The following TANGO6 variants were observed in gnomAD, a reference collection of about 807,000 sequenced individuals.
The protein encoded by TANGO6 is transport and golgi organization 6 homolog, also known as transport and Golgi organization protein 6 homolog.
A neutral mutation model predicts 114.2 loss-of-function variants in TANGO6; 90 were observed. The observed-to-expected ratio is 0.79, with a 90% CI of 0.66 to 0.94. TANGO6 has a LOEUF of 0.94. Among genes scored for constraint, TANGO6 ranks in the 40% least tolerant of loss-of-function variants. The probability of loss-of-function intolerance (pLI) is 0.00; values close to 1 mark genes in which losing one functional copy is unlikely to be tolerated. For missense variants in TANGO6, 1,274 were observed against 1,315.3 expected (o/e 0.97, Z 0.49); for synonymous variants, 477 against 509.8 (o/e 0.94, Z 0.87).
chr16:69,080,847 C>T (rs924230713), intron 17 of TANGO6, among the ~76,000 whole-genome samples: 2 of 152,242 alleles, frequency 1.3e-5, no homozygotes, highest in Middle Eastern at 3.4e-3. Context: ...GGGCTAATAA[C>T]CTTCCTCTAG....
rs1158658580 is a variant in TANGO6, at chr16:69,040,327, C to T, written c.3014C>T (p.Ala1005Val). 1.2e-6 allele frequency: 2 copies of T among 1,607,262 alleles called. No individual in the cohort carries two copies. Among genetic ancestry groups the T allele is most frequent in the Non-Finnish European group, 1.7e-6 (2 of 1,177,108 alleles). The part of the protein sequence containing the change: ...VVHEVTACLI[A>V]VAKTDGEVQV... The stretch of plus-strand genomic sequence containing the variant: ...TCCTAGGTAACAGCTTGCCTGATTG[C>T]TGTGGCCAAAACAGATGGTGAAGTT... The change falls in exon 17 of 18, where the codon GCT (alanine) becomes GTT (valine). Residue 1005 changes from alanine (A) to valine (V), a missense_variant. Around this residue, in one of 5 missense-constraint regions of TANGO6, gnomAD observed 238 missense variants for 252.9 expected, o/e 0.94. Coordinates refer to ENST00000261778, the MANE Select transcript of TANGO6 (RefSeq NM_024562.2).
chr16:68,990,058 G>A (rs2152217870), intron 15 of TANGO6, among the ~76,000 whole-genome samples: 1 of 152,190 alleles, frequency 6.6e-6, no homozygotes, highest in African/African-American at 2.4e-5. Context: ...GTGTGTGTGT[G>A]ACTCTTGCTC....
At chr16:68,848,730 A>G (rs1460458833) in intron 1 of TANGO6, among the ~76,000 whole-genome samples, 1 of 152,242 alleles carries the variant, frequency 6.6e-6, no homozygotes, top group South Asian at 2.1e-4. Context: ...TGTCTTAGCA[A>G]CCTCCAAAGG....
At chr16:68,912,597 G>A (rs988829730) in intron 11 of TANGO6, among the ~76,000 whole-genome samples, 11 of 152,100 alleles carry the variant, frequency 7.2e-5, no homozygotes, top group African/African-American at 2.7e-4. Context: ...TCGCACCACT[G>A]CACTGCGCTT....
rs565900461 is a variant in TANGO6, at chr16:68,868,550, C to T, written c.994+1330C>T. 3.3e-3 allele frequency among the ~76,000 whole-genome samples: 468 copies of T among 139,786 alleles called. 2 individuals are homozygous for T. The highest frequency in any genetic ancestry group is 6.1e-3 in the Non-Finnish European group (405 of 66,210). The allele number at this position is 139,786 out of a possible 152,430, so 91.7% of individuals were successfully genotyped here. A position where few individuals can be genotyped will look rare whatever the true frequency, so the allele number is the denominator to read the frequency against. ...TCTCGCTCTTTCACCCAGGCTAGAG[C>T]GCAGTGGCGTGATCTTGGCTCATTG... On this transcript the variant is annotated intron_variant, in intron 4 of 17. Transcript: ENST00000261778.
At chr16:69,082,625 G>T (rs1004452771) in intron 17 of TANGO6, among the ~76,000 whole-genome samples, 2 of 152,056 alleles carry the variant, frequency 1.3e-5, no homozygotes, top group African/African-American at 4.8e-5. Context: ...CGCACCTGTA[G>T]TCCCAGCTAC....
intron 17 of TANGO6, among the ~76,000 whole-genome samples, chr16:69,071,711 A>C (rs969567334): frequency 3.3e-5 from 5 of 152,198 alleles, no homozygotes; most frequent in African/African-American, 1.2e-4. Context: ...AAATCAATTT[A>C]GGAAGTAAAG....
chr16:68,998,620 A>G (rs1405631189), intron 15 of TANGO6, among the ~76,000 whole-genome samples: 1 of 151,470 alleles, frequency 6.6e-6, no homozygotes, highest in Non-Finnish European at 1.5e-5. Flanking sequence ...AGTCCCAGCT[A>G]CTTGGGAGGC....
intron 17 of TANGO6, among the ~76,000 whole-genome samples, chr16:69,071,470 A>G (rs1370134605): frequency 6.6e-6 from 1 of 152,194 alleles, no homozygotes; most frequent in Non-Finnish European, 1.5e-5. Flanking sequence ...TGTTGATCTC[A>G]CACAATAAGA....
At chr16:68,870,045 A>T (rs573821902) in intron 4 of TANGO6, among the ~76,000 whole-genome samples, 2 of 152,212 alleles carry the variant, frequency 1.3e-5, no homozygotes, top group Non-Finnish European at 2.9e-5. Flanking sequence ...AAGAGAGAAC[A>T]TGATCAAATC....
chr16:68,850,699 C>T (rs1449480720), intron 1 of TANGO6, among the ~76,000 whole-genome samples: 1 of 152,162 alleles, frequency 6.6e-6, no homozygotes, highest in East Asian at 1.9e-4. Context: ...AACTACTCAA[C>T]TCTGTCACTG....
chr16:68,862,356 C>A (rs1249351510), intron 2 of TANGO6, among the ~76,000 whole-genome samples: 1 of 152,196 alleles, frequency 6.6e-6, no homozygotes, highest in Admixed American at 6.5e-5. Context: ...ACCACCACGC[C>A]TGACTAATTT....
chr16:68,922,979 C>T (rs1379251987), intron 12 of TANGO6, among the ~76,000 whole-genome samples: 7 of 101,274 alleles, frequency 6.9e-5, no homozygotes, highest in Admixed American at 1.6e-4. Flanking sequence ...GATGGAGTTT[C>T]GCTCGTTGCC....
chr16:69,083,337 G>GCA (rs1234018412), intron 17 of TANGO6, 148 bp from the exon 18 acceptor site: 6 of 1,014,326 alleles, frequency 5.9e-6, no homozygotes, highest in Non-Finnish European at 8.3e-6. Context: ...CGGATTACAG[G>GCA]CATGAGCCAC....
chr16:68,878,387 T>A, intron 6 of TANGO6, 107 bp downstream of exon 6: 2 of 1,306,166 alleles, frequency 1.5e-6, no homozygotes, highest in Non-Finnish European at 2.0e-6. Context: ...TAGTTTTCCT[T>A]CCCCTCCCCC....
intron 11 of TANGO6, among the ~76,000 whole-genome samples, chr16:68,916,704 AG>A (rs1293991350): frequency 6.6e-6 from 1 of 152,210 alleles, no homozygotes; most frequent in East Asian, 1.9e-4. Context: ...AAGCAGATCC[AG>A]GACCCTCTGA....
chr16:68,906,972 T>TAGA lies in TANGO6; in HGVS notation c.1668-471_1668-470insAGA, dbSNP rs1962858858. On this transcript the variant is annotated intron_variant, in intron 9 of 17. Coordinates refer to ENST00000261778, the MANE Select transcript of TANGO6 (RefSeq NM_024562.2). ...CTACGCCCAGCTAATTTTTGTATTTTTTAGTAGAGACGGGGTTTCACCATG... is the reference window on the plus strand; with the variant it reads ...CTACGCCCAGCTAATTTTTGTATTTTAGATTAGTAGAGACGGGGTTTCACCATG... Among the ~76,000 whole-genome samples the TAGA allele has an allele frequency of 7.9e-5, 12 of 152,182 alleles. No individual in the cohort carries two copies. In the South Asian group the frequency reaches 2.5e-3, roughly 32 times the overall value.
intron 11 of TANGO6, among the ~76,000 whole-genome samples, chr16:68,914,558 G>C (rs1962972406): frequency 6.6e-6 from 1 of 152,144 alleles, no homozygotes; most frequent in South Asian, 2.1e-4. Flanking sequence ...ATGATGTCGG[G>C]CACTGCTATT....
intron 14 of TANGO6, among the ~76,000 whole-genome samples, chr16:68,933,067 G>A (rs1963263203): frequency 6.6e-6 from 1 of 152,032 alleles, no homozygotes; most frequent in Non-Finnish European, 1.5e-5. Context: ...TAATAATGTG[G>A]TGATCTCTGT....
Sources: allele counts gnomAD v4.1 joint callset (sites outside exome capture counted in the v4.1 genomes callset), GRCh38; gene constraint gnomAD v4.1.1; regional missense constraint gnomAD v4.1.1; transcripts MANE v1.5; gene names NCBI Gene and HGNC (gene_info 2026-07-23, HGNC 2026-07-21).